The following CCDC30 variants were observed in gnomAD, a reference collection of about 807,000 sequenced individuals.
CCDC30 encodes the protein coiled-coil domain-containing protein 30.
A neutral mutation model predicts 100.2 loss-of-function variants in CCDC30; 70 were observed. That is an observed-to-expected ratio of 0.70 (90% CI 0.58 to 0.85). The LOEUF is 0.85. Ranked by LOEUF, CCDC30 falls within the 40% of genes least tolerant of loss-of-function variation. The pLI is 0.00. For synonymous variants in CCDC30, 233 were observed against 269.5 expected (o/e 0.86, Z 1.33); for missense variants, 652 against 771.2 (o/e 0.85, Z 1.83).
At chr1:42,577,082 A>G in exon 8 of CCDC30, 2 of 1,614,102 alleles carry the variant, frequency 1.2e-6, no homozygotes, top group Non-Finnish European at 1.7e-6. Flanking sequence ...TGTGCTCTTC[A>G]CTCACGGCAG....
chr1:42,654,773 C>G (rs1178965688), downstream of CCDC30: 3 of 149,094 alleles, frequency 2.0e-5, no homozygotes, highest in Non-Finnish European at 4.4e-5. Context: ...AGTGCAGTGG[C>G]ATGATCTCCG....
intron 15 of CCDC30, 93 bp downstream of exon 19, chr1:42,646,410 C>T (rs918304329): frequency 7.7e-7 from 1 of 1,292,556 alleles, no homozygotes; most frequent in African/African-American, 1.5e-5. Flanking sequence ...ATGGTTTCTA[C>T]ACTGGAAAAA....
the CCDC30 span, among the ~76,000 whole-genome samples, chr1:42,458,128 A>G: frequency 1.9e-4 from 29 of 152,302 alleles, no homozygotes; most frequent in South Asian, 6.2e-4. Flanking sequence ...CTTGCTTTGT[A>G]GAAGACTTTA....
intron 1 of CCDC30, among the ~76,000 whole-genome samples, chr1:42,465,289 C>A (rs946775915): frequency 4.6e-5 from 7 of 152,158 alleles, no homozygotes; most frequent in Non-Finnish European, 8.8e-5. Flanking sequence ...CCAACCTGGG[C>A]TACAGAGTGA....
chr1:42,548,525 A>G (rs1299724916), intron 6 of CCDC30, among the ~76,000 whole-genome samples: 1 of 152,184 alleles, frequency 6.6e-6, no homozygotes. Flanking sequence ...GGATAGAAAA[A>G]TAGACAAGGA....
intron 11 of CCDC30, among the ~76,000 whole-genome samples, chr1:42,619,012 A>G (rs1646779873): frequency 6.6e-6 from 1 of 152,186 alleles, no homozygotes; most frequent in African/African-American, 2.4e-5. Flanking sequence ...ACTGCAAGGA[A>G]AGCCAGAAAA....
intron 10 of CCDC30, among the ~76,000 whole-genome samples, chr1:42,599,749 TG>T (rs1488874153): frequency 6.6e-6 from 1 of 152,132 alleles, no homozygotes; most frequent in Non-Finnish European, 1.5e-5. Flanking sequence ...CAAAAGAAAG[TG>T]AGAGTAGCTA....
chr1:42,597,917 G>A (rs1646323761), intron 10 of CCDC30, among the ~76,000 whole-genome samples: 1 of 151,968 alleles, frequency 6.6e-6, no homozygotes, highest in Admixed American at 6.6e-5. Context: ...CAGCACTTTG[G>A]GAGGCTGAGG....
chr1:42,521,688 C>A (rs988893126), intron 6 of CCDC30, among the ~76,000 whole-genome samples: 6 of 151,932 alleles, frequency 3.9e-5, no homozygotes, highest in Non-Finnish European at 8.8e-5. Flanking sequence ...GTCTGTTTCT[C>A]CCTTCAATTC....
chr1:42,555,264 C>T (rs564590846), intron 6 of CCDC30, among the ~76,000 whole-genome samples: 9 of 152,302 alleles, frequency 5.9e-5, no homozygotes, highest in Admixed American at 2.6e-4. Context: ...CATTTTGGCA[C>T]ACCTTTGCTT....
chr1:42,528,606 C>G (rs186225417), intron 6 of CCDC30, among the ~76,000 whole-genome samples: 84 of 152,294 alleles, frequency 5.5e-4, no homozygotes, highest in Non-Finnish European at 1.1e-3. Flanking sequence ...GCCAGCCCAA[C>G]AGACGATTTT....
intron 7 of CCDC30, among the ~76,000 whole-genome samples, chr1:42,572,908 G>A (rs182072718): frequency 2.1e-3 from 326 of 152,228 alleles, no homozygotes; most frequent in Non-Finnish European, 3.8e-3. Flanking sequence ...GTGAGCCACC[G>A]TGCCCAGCCT....
In CCDC30 at chr1:42,482,819, A is replaced by C; in HGVS notation, c.169+3A>C. 1 of 1,233,680 alleles carries C rather than the reference A, an allele frequency of 8.1e-7. No individual in the cohort carries two copies. Among genetic ancestry groups the C allele is most frequent in the Non-Finnish European group, 1.0e-6 (1 of 987,684 alleles). 76.4% of individuals were successfully genotyped at this position (1,233,680 alleles called of 1,614,324 possible). On this transcript the variant is annotated splice_donor_region_variant and intron_variant, in intron 3 of 16. Transcript: ENST00000668663. ...GGAGAAGGAACAATGTAAATTAGGT[A>C]AGCTGTGGTTTCAGATGACCATTTC...
intron 1 of CCDC30, among the ~76,000 whole-genome samples, chr1:42,475,746 C>T (rs1266228806): frequency 2.0e-5 from 3 of 152,142 alleles, no homozygotes; most frequent in Non-Finnish European, 4.4e-5. Context: ...TATTACAGCA[C>T]TTACCACACT....
intron 1 of CCDC30, chr1:42,473,616 A>G (rs909265161): frequency 8.1e-6 from 2 of 248,148 alleles, no homozygotes; most frequent in Non-Finnish European, 1.5e-5. Flanking sequence ...CTTTTTTTTG[A>G]AGGCTTGGAA....
chr1:42,631,803 C>G (rs539519275), intron 11 of CCDC30, among the ~76,000 whole-genome samples: 20 of 152,222 alleles, frequency 1.3e-4, no homozygotes. Flanking sequence ...CGCCAATGTT[C>G]CCTTAAGGCC....
At chr1:42,508,359 G>A (rs1644427137) in intron 6 of CCDC30, among the ~76,000 whole-genome samples, 1 of 152,104 alleles carries the variant, frequency 6.6e-6, no homozygotes, top group Non-Finnish European at 1.5e-5. Flanking sequence ...CTCCCCATGG[G>A]AGCCTTATCC....
chr1:42,519,939 A>G (rs533859017), intron 6 of CCDC30, among the ~76,000 whole-genome samples: 1 of 152,230 alleles, frequency 6.6e-6, no homozygotes, highest in South Asian at 2.1e-4. Context: ...AATCACTTTT[A>G]TTTCTCTAGT....
chr1:42,498,370 A>G lies in CCDC30; in HGVS notation c.358-448A>G, dbSNP rs114673201. Among the ~76,000 whole-genome samples the G allele has an allele frequency of 7.9e-3, 1,199 of 152,284 alleles. 21 individuals are homozygous for G. The highest frequency in any genetic ancestry group is 0.027 in the African/African-American group (1,121 of 41,562). ...GATGGATGGTGGTGATGGTTGCACA[A>G]CAGTGTGCCTGACAATGTACTTAAT... is the stretch of plus-strand genomic sequence containing the variant. On this transcript the variant is annotated intron_variant, in intron 5 of 16. Coordinates refer to ENST00000668663, the Ensembl canonical transcript of CCDC30.
Sources: gnomAD v4.1 joint callset for allele counts (sites outside exome capture counted in the v4.1 genomes callset) on GRCh38, gnomAD v4.1.1 for gene constraint, MANE v1.5 for transcripts, NCBI Gene and HGNC (gene_info 2026-07-23, HGNC 2026-07-21) for gene names.